Variants in HERC6 observed in about 807,000 individuals in gnomAD.
HERC6 encodes HECT and RLD domain containing E3 ubiquitin protein ligase family member 6, also known as probable E3 ubiquitin-protein ligase HERC6.
HERC6 carries 101 observed loss-of-function variants against 114.5 expected under a neutral mutation model. The observed-to-expected ratio is 0.88, with a 90% CI of 0.75 to 1.04. The LOEUF (loss-of-function observed/expected upper bound fraction) is 1.04. Among genes scored for constraint, HERC6 ranks in the 50% least tolerant of loss-of-function variants. The probability of loss-of-function intolerance (pLI) is 0.00; values close to 1 mark genes in which losing one functional copy is unlikely to be tolerated. For synonymous variants in HERC6, 408 were observed against 436.2 expected (o/e 0.94, Z 0.81); for missense variants, 1,133 against 1,230.9 (o/e 0.92, Z 1.19).
At chr4:88,398,555 C>G (rs1300480990) in intron 8 of HERC6, 1 of 171,280 alleles carries the variant, frequency 5.8e-6, no homozygotes, top group African/African-American at 2.4e-5. Flanking sequence ...CTGTCCAGGA[C>G]TGTGAAGGAA....
At chr4:88,398,734 C>CT (rs1482939053) in intron 8 of HERC6, 1 of 152,110 alleles carries the variant, frequency 6.6e-6, no homozygotes, top group Non-Finnish European at 1.5e-5. Flanking sequence ...AAGTTTATTG[C>CT]TTAATAAAAT....
intron 5 of HERC6, among the ~76,000 whole-genome samples, chr4:88,394,262 C>T (rs571645049): frequency 6.6e-6 from 1 of 152,056 alleles, no homozygotes; most frequent in Admixed American, 6.5e-5. Context: ...ATCACGAGGT[C>T]AGGAGTTCAA....
rs142058374 is a variant in HERC6 at position 88,381,554 on chromosome 4, CTTTTTTTTT to C, written c.200-1653_200-1645del. 3.1e-5 allele frequency among the ~76,000 whole-genome samples: 3 copies of C among 95,830 alleles called. No individual in the cohort carries two copies. In the South Asian group the frequency reaches 1.0e-3, roughly 33 times the overall value. The allele number at this position is 95,830 out of a possible 152,430, so 62.9% of individuals were successfully genotyped here. A position where few individuals can be genotyped will look rare whatever the true frequency, so the allele number is the denominator to read the frequency against. ...CTTCATCTTAGGTGACCCTTCTCTT[CTTTTTTTTT>C]TTTTTTTTTTTTTGAGATGGGGTTT... On this transcript the variant is annotated intron_variant, in intron 1 of 22. Transcript: ENST00000264346.
chr4:88,436,884 T>A (rs1157623016), intron 18 of HERC6, 21 bp from the exon 19 acceptor site: 2 of 1,574,190 alleles, frequency 1.3e-6, no homozygotes, highest in South Asian at 1.2e-5. Context: ...ATATAATTTT[T>A]AAAACCAAAA....
rs778451836 is a variant in HERC6 at position 88,442,351 on chromosome 4, A to G, written c.2960A>G (p.Asn987Ser). Reference protein sequence around the residue: ...RDHPTSITCHNILSLPKYSTM... With the variant: ...RDHPTSITCHSILSLPKYSTM... Reference sequence around the variant, plus strand: ...CACCCAACATCAATAACTTGTCATAATATTCTCTCCCTCCCTAAGTATTCT... The same window carrying G: ...CACCCAACATCAATAACTTGTCATAGTATTCTCTCCCTCCCTAAGTATTCT... Residue 987 changes from asparagine (N) to serine (S), a missense_variant, in exon 23 of 23, where the codon AAT (asparagine) becomes AGT (serine). Physicochemically the swap from Asn to Ser is conservative, Grantham distance 46 (BLOSUM62 1). Around this residue, in one of 3 missense-constraint regions of HERC6, gnomAD observed 388 missense variants for 445.9 expected, o/e 0.87. Transcript: ENST00000264346. 1.9e-6 allele frequency: 3 copies of G among 1,613,708 alleles called. No individual in the cohort carries two copies. Among genetic ancestry groups the G allele is most frequent in the Non-Finnish European group, 2.5e-6 (3 of 1,179,816 alleles).
At chr4:88,407,506 C>A (rs1735870870) in intron 10 of HERC6, among the ~76,000 whole-genome samples, 1 of 151,760 alleles carries the variant, frequency 6.6e-6, no homozygotes, top group South Asian at 2.1e-4. Flanking sequence ...CTTGAGCTAT[C>A]CTTCCACCTC....
intron 2 of HERC6, 21 bp downstream of exon 2, chr4:88,383,401 C>T: frequency 1.4e-6 from 2 of 1,465,512 alleles, no homozygotes; most frequent in Non-Finnish European, 1.8e-6. Context: ...CAACCCACTC[C>T]TTCATTTATT....
chr4:88,425,738 C>T (rs1183136000), intron 15 of HERC6, among the ~76,000 whole-genome samples: 1 of 152,082 alleles, frequency 6.6e-6, no homozygotes, highest in Non-Finnish European at 1.5e-5. Context: ...AGCCTTAGTT[C>T]TCAGTTAAGT....
intron 11 of HERC6, among the ~76,000 whole-genome samples, chr4:88,410,982 A>G (rs1196090405): frequency 5.3e-5 from 8 of 152,208 alleles, no homozygotes; most frequent in Non-Finnish European, 1.2e-4. Flanking sequence ...AGAGCTCTGC[A>G]TTAGTTAGAT....
At chr4:88,408,414 A>C (rs981867652) in intron 10 of HERC6, 110 bp from the exon 11 acceptor site, 10 of 713,454 alleles carry the variant, frequency 1.4e-5, no homozygotes, top group Non-Finnish European at 2.5e-5. Context: ...GGTAAGCTTT[A>C]AGAAAAAGGT....
chr4:88,403,581 C>T (rs903732283), intron 8 of HERC6, among the ~76,000 whole-genome samples: 8 of 151,930 alleles, frequency 5.3e-5, no homozygotes, highest in African/African-American at 1.7e-4. Flanking sequence ...GGTGAAACCC[C>T]GTCTCTACTA....
At chr4:88,402,210 T>C (rs1156827312) in intron 8 of HERC6, among the ~76,000 whole-genome samples, 4 of 152,166 alleles carry the variant, frequency 2.6e-5, no homozygotes, top group Non-Finnish European at 1.5e-5. Context: ...ACATTTCCAA[T>C]AGAAATTTAG....
intron 1 of HERC6, among the ~76,000 whole-genome samples, chr4:88,379,469 C>A (rs2110217913): frequency 6.6e-6 from 1 of 151,418 alleles, no homozygotes; most frequent in South Asian, 2.1e-4. Context: ...ACCTGGTCAG[C>A]GCTGCTCTGG....
intron 9 of HERC6, 48 bp from the exon 10 acceptor site, chr4:88,405,506 C>A: frequency 1.0e-6 from 1 of 985,296 alleles, no homozygotes; most frequent in Non-Finnish European, 1.5e-6. Context: ...TTTCAAAAGG[C>A]ATGCTTTATT....
At chr4:88,406,209 T>C (rs750485114) in intron 10 of HERC6, among the ~76,000 whole-genome samples, 5 of 152,258 alleles carry the variant, frequency 3.3e-5, no homozygotes, top group Non-Finnish European at 7.3e-5. Context: ...GGCTGCCCTC[T>C]GCCTCTTTGG....
rs1735800799 is a variant in HERC6 at position 88,406,086 on chromosome 4, C to T, written c.1274+473C>T. Among the ~76,000 whole-genome samples the T allele has an allele frequency of 2.0e-5, 3 of 152,222 alleles. No homozygotes were observed. In the South Asian group the frequency reaches 6.2e-4, roughly 32 times the overall value. On this transcript the variant is annotated intron_variant, in intron 10 of 22. Coordinates refer to ENST00000264346, the MANE Select transcript of HERC6 (RefSeq NM_017912.4). The stretch of plus-strand genomic sequence containing the variant: ...TCTGATCCAATAGTTGAAACAGTTC[C>T]TGTAATGCTCAATATTTGGGTCTTC...
rs138425817 is a variant in HERC6 at position 88,399,052 on chromosome 4, G to A, written c.1092+843G>A. On this transcript the variant is annotated intron_variant, in intron 8 of 22. Transcript: ENST00000264346. ...GAGGGATTTTATTATTACATTTCTGGGTGAGTTCTGAAATATGTTTATGGA... is the reference window on the plus strand; with the variant it reads ...GAGGGATTTTATTATTACATTTCTGAGTGAGTTCTGAAATATGTTTATGGA... 577 of 152,154 alleles carry A rather than the reference G, an allele frequency of 3.8e-3. 2 individuals are homozygous for A. Among genetic ancestry groups the A allele is most frequent in the African/African-American group, 0.013 (554 of 41,518 alleles). The allele number at this position is 152,154 out of a possible 1,614,324, so 9.4% of individuals were successfully genotyped here.
intron 2 of HERC6, among the ~76,000 whole-genome samples, chr4:88,385,101 T>C (rs959851092): frequency 6.6e-6 from 1 of 152,222 alleles, no homozygotes; most frequent in Non-Finnish European, 1.5e-5. Flanking sequence ...TTTAACCTAA[T>C]GATTTCTTCA....
intron 12 of HERC6, among the ~76,000 whole-genome samples, chr4:88,415,292 GGC>G (rs1372655696): frequency 6.6e-6 from 1 of 152,122 alleles, no homozygotes; most frequent in African/African-American, 2.4e-5. Flanking sequence ...TCTATTTAAT[GGC>G]TGAAGAATGT....
Sources: allele counts gnomAD v4.1 joint callset (sites outside exome capture counted in the v4.1 genomes callset), GRCh38; gene constraint gnomAD v4.1.1; regional missense constraint gnomAD v4.1.1; transcripts MANE v1.5; gene names NCBI Gene and HGNC (gene_info 2026-07-23, HGNC 2026-07-21).